The following SOX5 variants were observed in gnomAD, a reference collection of about 807,000 sequenced individuals.
SOX5 encodes the protein SRY-box transcription factor 5, also known as transcription factor SOX-5.
SOX5 carries 9 observed loss-of-function variants against 92.0 expected under a neutral mutation model. That is an observed-to-expected ratio of 0.10 (90% confidence interval 0.06 to 0.17). The LOEUF (loss-of-function observed/expected upper bound fraction) is 0.17, where lower values mean the gene tolerates loss of function less well. Ranked by LOEUF, SOX5 falls within the 10% of genes least tolerant of loss-of-function variation. The pLI is 1.00. For synonymous variants in SOX5, 344 were observed against 336.3 expected (o/e 1.02, Z -0.25); for missense variants, 642 against 944.5 (o/e 0.68, Z 4.20).
chr12:24,143,269 T>C (rs1010317523), intron 4 of SOX5, among the ~76,000 whole-genome samples: 1 of 152,048 alleles, frequency 6.6e-6, no homozygotes, highest in Admixed American at 6.6e-5. Context: ...ATATCTAGCA[T>C]CCAATGAGGT....
chr12:24,487,066 C>T, intron 1 of SOX5, among the ~76,000 whole-genome samples: 1 of 152,186 alleles, frequency 6.6e-6, no homozygotes, highest in Non-Finnish European at 1.5e-5. Context: ...TCTAGCAAGA[C>T]ACTAGAAGTT....
chr12:24,098,602 T>C (rs1405253267), intron 4 of SOX5, among the ~76,000 whole-genome samples: 4 of 152,180 alleles, frequency 2.6e-5, no homozygotes, highest in Non-Finnish European at 4.4e-5. Flanking sequence ...AATATTGTTC[T>C]TGAATATCAG....
chr12:23,925,522 A>C (rs1189310869), intron 1 of SOX5, among the ~76,000 whole-genome samples: 1 of 152,076 alleles, frequency 6.6e-6, no homozygotes, highest in African/African-American at 2.4e-5. Context: ...AAACTCCATC[A>C]CAAGGTCAAG....
chr12:23,913,703 C>T (rs1411767126), intron 1 of SOX5, among the ~76,000 whole-genome samples: 6 of 150,016 alleles, frequency 4.0e-5, no homozygotes, highest in African/African-American at 1.5e-4. Flanking sequence ...ACCACTGCAC[C>T]CCAGCCTGGG....
intron 3 of SOX5, among the ~76,000 whole-genome samples, chr12:23,756,393 C>T (rs2094380648): frequency 6.6e-6 from 1 of 151,834 alleles, no homozygotes; most frequent in African/African-American, 2.4e-5. Flanking sequence ...ACAGGGCACA[C>T]ACATTTTAGA....
intron 3 of SOX5, among the ~76,000 whole-genome samples, chr12:24,219,445 T>C (rs1372607700): frequency 6.6e-6 from 1 of 152,060 alleles, no homozygotes; most frequent in African/African-American, 2.4e-5. Flanking sequence ...CTATTTTGTC[T>C]CCACAATAAT....
At chr12:24,487,123 G>A (rs185301230) in intron 1 of SOX5, among the ~76,000 whole-genome samples, 1 of 152,214 alleles carries the variant, frequency 6.6e-6, no homozygotes, top group East Asian at 1.9e-4. Flanking sequence ...TGTCTCTAAT[G>A]TTAAATAATT....
At chr12:24,282,890 C>T (rs1945385420) in intron 2 of SOX5, among the ~76,000 whole-genome samples, 1 of 152,202 alleles carries the variant, frequency 6.6e-6, no homozygotes, top group East Asian at 1.9e-4. Flanking sequence ...TGAAAAATTT[C>T]TTCTGACCTG....
intron 3 of SOX5, among the ~76,000 whole-genome samples, chr12:24,262,002 G>A (rs17413491): frequency 0.022 from 3,299 of 152,190 alleles, 61 homozygotes; most frequent in South Asian, 0.069. Flanking sequence ...CGTTGGCTAC[G>A]GAGACTTCAA....
At chr12:24,482,556 C>T (rs536502236) in intron 1 of SOX5, among the ~76,000 whole-genome samples, 117 of 152,282 alleles carry the variant, frequency 7.7e-4, no homozygotes, top group Non-Finnish European at 1.4e-3. Flanking sequence ...AAAATGTTTA[C>T]ACCTTTTTAT....
At chr12:23,552,801 A>C (rs530301681) in intron 11 of SOX5, among the ~76,000 whole-genome samples, 367 of 152,082 alleles carry the variant, frequency 2.4e-3, no homozygotes, top group Non-Finnish European at 4.6e-3. Flanking sequence ...CTACCTGCCT[A>C]GCATATTACA....
intron 6 of SOX5, among the ~76,000 whole-genome samples, chr12:23,691,472 C>A (rs1412512729): frequency 6.6e-6 from 1 of 152,116 alleles, no homozygotes; most frequent in Admixed American, 6.5e-5. Flanking sequence ...ATATCTAGTA[C>A]AACTGATCTT....
At chr12:24,302,488 C>T (rs1434860681) in intron 2 of SOX5, among the ~76,000 whole-genome samples, 2 of 151,948 alleles carry the variant, frequency 1.3e-5, no homozygotes, top group East Asian at 1.9e-4. Flanking sequence ...GACCTTGCTT[C>T]TTGCCATACA....
chr12:23,566,266 T>C (rs1008626021), intron 10 of SOX5, among the ~76,000 whole-genome samples: 1 of 152,206 alleles, frequency 6.6e-6, no homozygotes, highest in Non-Finnish European at 1.5e-5. Flanking sequence ...TTTCCAACAC[T>C]GTTTCTCTTT....
intron 5 of SOX5, among the ~76,000 whole-genome samples, chr12:23,736,947 C>T (rs1173552266): frequency 6.6e-6 from 1 of 151,868 alleles, no homozygotes; most frequent in Admixed American, 6.6e-5. Context: ...CTTGCCTCAG[C>T]CTCCTAAAGT....
intron 4 of SOX5, among the ~76,000 whole-genome samples, chr12:23,973,746 C>T (rs553568321): frequency 2.6e-5 from 4 of 152,230 alleles, no homozygotes; most frequent in Non-Finnish European, 2.9e-5. Context: ...AGGAGGTGAG[C>T]GGCAAACGAG....
intron 4 of SOX5, among the ~76,000 whole-genome samples, chr12:24,058,766 A>G (rs967869685): frequency 1.3e-5 from 2 of 151,720 alleles, no homozygotes; most frequent in African/African-American, 4.8e-5. Flanking sequence ...AACCTTCATC[A>G]GGTTGCTGTA....
chr12:24,156,864 T>C (rs902347591), intron 4 of SOX5, among the ~76,000 whole-genome samples: 1 of 152,076 alleles, frequency 6.6e-6, no homozygotes, highest in Admixed American at 6.6e-5. Context: ...TGTGAGAAAA[T>C]GTCTTTTGGT....
chr12:24,036,875 G>T (rs77033726), intron 4 of SOX5, among the ~76,000 whole-genome samples: 1 of 152,054 alleles, frequency 6.6e-6, no homozygotes, highest in Non-Finnish European at 1.5e-5. Context: ...TGACAATAAA[G>T]AATCCTTTTA....
Sources: allele counts gnomAD v4.1 joint callset (sites outside exome capture counted in the v4.1 genomes callset), GRCh38; gene constraint gnomAD v4.1.1; transcripts MANE v1.5; gene names NCBI Gene and HGNC (gene_info 2026-07-23, HGNC 2026-07-21).